FEZ2: variants seen among roughly 807,000 people sequenced by gnomAD.
FEZ2 encodes fasciculation and elongation protein zeta 2.
In FEZ2, 51 loss-of-function variants were observed where a neutral mutation model predicts 40.4. The ratio of observed to expected loss-of-function variants is 1.26; its 90% CI spans 1.01 to 1.59. FEZ2 has a LOEUF of 1.59. FEZ2 is among the 40% of genes most tolerant of loss of function. FEZ2 has a pLI of 0.00. For synonymous variants in FEZ2, 242 were observed against 172.0 expected (o/e 1.41, Z -3.18); for missense variants, 640 against 438.3 (o/e 1.46, Z -4.11).
At chr2:36,556,016 G>C in intron 6 of FEZ2, 1 of 585,798 alleles carries the variant, frequency 1.7e-6, no homozygotes, top group Non-Finnish European at 3.3e-6. Context: ...CCAAACAGTG[G>C]AGACAAAAAA....
At chr2:36,588,024 G>C (rs1668952884) in intron 2 of FEZ2, among the ~76,000 whole-genome samples, 1 of 151,984 alleles carries the variant, frequency 6.6e-6, no homozygotes, top group South Asian at 2.1e-4. Flanking sequence ...TTCCAGGTAA[G>C]GCTGTTTTTT....
intron 5 of FEZ2, among the ~76,000 whole-genome samples, chr2:36,562,872 T>C (rs1311047405): frequency 1.3e-5 from 2 of 152,216 alleles, no homozygotes; most frequent in East Asian, 3.8e-4. Flanking sequence ...AGTACTTGTT[T>C]TTAAGTACTT....
chr2:36,571,650 G>GT (rs1047817784), intron 5 of FEZ2, among the ~76,000 whole-genome samples: 11 of 151,286 alleles, frequency 7.3e-5, no homozygotes, highest in Admixed American at 7.2e-4. Context: ...GCAAGACCCT[G>GT]TCTCAAAAAA....
chr2:36,583,103 T>G (rs1321093966), intron 3 of FEZ2, among the ~76,000 whole-genome samples: 1 of 152,200 alleles, frequency 6.6e-6, no homozygotes, highest in Non-Finnish European at 1.5e-5. Flanking sequence ...AGCAACAACC[T>G]TTCCTTGGTA....
chr2:36,572,335 A>T (rs748801585), intron 5 of FEZ2, among the ~76,000 whole-genome samples: 33 of 152,216 alleles, frequency 2.2e-4, no homozygotes, highest in Non-Finnish European at 4.7e-4. Flanking sequence ...AAAAGGAACA[A>T]TTCAACATAA....
intron 5 of FEZ2, among the ~76,000 whole-genome samples, chr2:36,572,121 A>G (rs1159039237): frequency 1.3e-5 from 2 of 150,126 alleles, no homozygotes. Flanking sequence ...ATCACTGTGT[A>G]TAATACAACA....
chr2:36,589,202 GA>G (rs1324275252), intron 2 of FEZ2, among the ~76,000 whole-genome samples: 1 of 152,178 alleles, frequency 6.6e-6, no homozygotes, highest in African/African-American at 2.4e-5. Flanking sequence ...GACAGACCCA[GA>G]AACATATGAT....
At position 36,553,151 on chromosome 2, in the gene FEZ2, A is replaced by C. The variant is rs926416132; in HGVS notation, c.*12T>G. The C allele has an allele frequency of 3.2e-6, 5 of 1,566,318 alleles. No individual in the cohort carries two copies. Among genetic ancestry groups the C allele is most frequent in the Non-Finnish European group, 4.3e-6 (5 of 1,153,634 alleles). ...ATCTAGCTTGGAGCCCACCGCAGAT[A>C]AAGTTGCTGCTCTATGTAGGACACA... On this transcript the variant is annotated 3_prime_UTR_variant, in exon 8 of 8. Transcript: ENST00000405912.
At chr2:36,555,876 G>GT (rs966807584) in intron 6 of FEZ2, 128 bp from the exon 7 acceptor site, 8 of 663,988 alleles carry the variant, frequency 1.2e-5, no homozygotes, top group Non-Finnish European at 1.9e-5. Flanking sequence ...CAAATTATAG[G>GT]TGATTTTCCT....
intron 4 of FEZ2, 46 bp from the exon 5 acceptor site, chr2:36,578,911 T>G: frequency 6.5e-7 from 1 of 1,536,032 alleles, no homozygotes; most frequent in Non-Finnish European, 8.9e-7. Flanking sequence ...CAAAAACATT[T>G]CAAGGAAGCA....
intron 5 of FEZ2, among the ~76,000 whole-genome samples, chr2:36,572,310 T>A (rs1199632574): frequency 6.6e-6 from 1 of 152,134 alleles, no homozygotes; most frequent in African/African-American, 2.4e-5. Flanking sequence ...AGGCTGCTGC[T>A]GAAGGGGCCC....
chr2:36,555,196 CTTTT>C (rs1025151741), intron 7 of FEZ2: 1 of 152,650 alleles, frequency 6.6e-6, no homozygotes, highest in African/African-American at 2.4e-5. Context: ...CAAGTCCATT[CTTTT>C]TATTTCCCCG....
intron 1 of FEZ2, among the ~76,000 whole-genome samples, chr2:36,594,765 G>A (rs2148353733): frequency 6.6e-6 from 1 of 152,300 alleles, no homozygotes; most frequent in Non-Finnish European, 1.5e-5. Context: ...AGAATTTGAG[G>A]AGTTTGCTTT....
intron 2 of FEZ2, chr2:36,590,563 G>A (rs550005745): frequency 1.1e-5 from 2 of 186,218 alleles, no homozygotes; most frequent in East Asian, 1.4e-4. Flanking sequence ...AGCTACTCGG[G>A]AGTTTGAGGT....
Position 36,598,119 on chromosome 2 carries a change from C to T in FEZ2, c.24G>A (p.Gln8=). Residue 8 remains glutamine, a synonymous_variant, in exon 1 of 8, where the codon CAG becomes CAA. Coordinates refer to ENST00000405912, the MANE Select transcript of FEZ2 (RefSeq NM_005102.3). MAADGDW[Q]DFYEFQEPAR... The stretch of plus-strand genomic sequence containing the variant: ...CCGGCTCCTGGAACTCATAGAAATC[C>T]TGCCAGTCCCCGTCCGCCGCCATCG... The T allele has an allele frequency of 2.0e-6, 3 of 1,484,822 alleles. No homozygotes were observed. The highest frequency in any genetic ancestry group is 2.5e-5 in the South Asian group (2 of 79,572). 92.0% of individuals were successfully genotyped at this position (1,484,822 alleles called of 1,614,324 possible).
intron 1 of FEZ2, among the ~76,000 whole-genome samples, chr2:36,597,032 AATTATTAAT>A (rs1002093483): frequency 6.6e-6 from 1 of 152,030 alleles, no homozygotes; most frequent in African/African-American, 2.4e-5. Flanking sequence ...GTGATTCTGT[AATTATTAAT>A]ATTACTTGTG....
At chr2:36,577,750 T>A (rs555207058) in intron 5 of FEZ2, among the ~76,000 whole-genome samples, 1 of 152,370 alleles carries the variant, frequency 6.6e-6, no homozygotes, top group Admixed American at 6.5e-5. Flanking sequence ...ATTTCTCTGC[T>A]AAGTATTCTT....
In FEZ2 at chr2:36,552,871, A is replaced by G; in HGVS notation, c.*292T>C. 1 of 358,156 alleles carries G rather than the reference A, an allele frequency of 2.8e-6. No individual in the cohort carries two copies. Among genetic ancestry groups the G allele is most frequent in the Non-Finnish European group, 5.0e-6 (1 of 199,876 alleles). The allele number at this position is 358,156 out of a possible 1,614,324, so 22.2% of individuals were successfully genotyped here. ...AAAACAAATGGGCATACTGTCAGTT[A>G]ATGAGAAATACAACTGCACATGCAC... On this transcript the variant is annotated 3_prime_UTR_variant, in exon 8 of 8. Coordinates refer to ENST00000405912, the MANE Select transcript of FEZ2 (RefSeq NM_005102.3).
intron 5 of FEZ2, among the ~76,000 whole-genome samples, chr2:36,563,266 G>A (rs1276635104): frequency 6.6e-6 from 1 of 152,174 alleles, no homozygotes; most frequent in East Asian, 1.9e-4. Context: ...CCCATGGGAA[G>A]CCAAGGTAAC....
Sources: gnomAD v4.1 joint callset for allele counts (sites outside exome capture counted in the v4.1 genomes callset) on GRCh38, gnomAD v4.1.1 for gene constraint, MANE v1.5 for transcripts, NCBI Gene and HGNC (gene_info 2026-07-23, HGNC 2026-07-21) for gene names.